The following ANO6 variants were observed in gnomAD, a reference collection of about 807,000 sequenced individuals.
ANO6 encodes the protein anoctamin 6, also known as anoctamin-6.
Under a neutral mutation model 117.5 loss-of-function variants are expected in ANO6, and 106 were observed. That is an observed-to-expected ratio of 0.90 (90% CI 0.77 to 1.06). The LOEUF is 1.06. ANO6 is among the 50% of genes least tolerant of loss of function. The pLI is 0.00. For synonymous variants in ANO6, 367 were observed against 385.1 expected (o/e 0.95, Z 0.55); for missense variants, 955 against 1,121.1 (o/e 0.85, Z 2.12).
At chr12:45,358,719 T>C (rs1365396715) in intron 8 of ANO6, among the ~76,000 whole-genome samples, 2 of 152,184 alleles carry the variant, frequency 1.3e-5, no homozygotes, top group Non-Finnish European at 2.9e-5. Flanking sequence ...AATATCTAAA[T>C]TATAAATATT....
chr12:45,330,165 A>G (rs1429267197), intron 2 of ANO6, among the ~76,000 whole-genome samples: 2 of 152,108 alleles, frequency 1.3e-5, no homozygotes, highest in Non-Finnish European at 2.9e-5. Flanking sequence ...CCAATTAGGA[A>G]CTTCAGATAC....
chr12:45,396,241 A>T (rs993079185), intron 12 of ANO6, among the ~76,000 whole-genome samples: 3 of 152,216 alleles, frequency 2.0e-5, no homozygotes, highest in African/African-American at 7.2e-5. Flanking sequence ...TCCCATTCAC[A>T]ATTGCTACAA....
At chr12:45,415,911 G>C (rs1272736837) in intron 16 of ANO6, among the ~76,000 whole-genome samples, 2 of 152,036 alleles carry the variant, frequency 1.3e-5, no homozygotes, top group Non-Finnish European at 2.9e-5. Flanking sequence ...AGGAGGGCAG[G>C]GTCTAAAACT....
Position 45,375,671 on chromosome 12 carries a change from G to A in ANO6, c.1105-2382G>A, listed in dbSNP as rs563217699. On this transcript the variant is annotated intron_variant, in intron 9 of 19. Transcript: ENST00000320560. ...AGCCATATGTAGAAAGCTGAAACTGGATCCCTTCCTTACACCTTTTACAAA... is the reference window on the plus strand; with the variant it reads ...AGCCATATGTAGAAAGCTGAAACTGAATCCCTTCCTTACACCTTTTACAAA... Among the ~76,000 whole-genome samples the A allele has an allele frequency of 1.3e-4, 20 of 151,698 alleles. No homozygotes were observed. The East Asian group carries it at 3.6e-3, about 27-fold the overall frequency.
chr12:45,370,089 G>C (rs1301454799), intron 9 of ANO6, among the ~76,000 whole-genome samples: 1 of 152,180 alleles, frequency 6.6e-6, no homozygotes, highest in Non-Finnish European at 1.5e-5. Context: ...GCAGTATGCT[G>C]ATTCAGACCG....
intron 1 of ANO6, among the ~76,000 whole-genome samples, chr12:45,243,050 C>A: frequency 6.6e-6 from 1 of 152,280 alleles, no homozygotes; most frequent in Middle Eastern, 3.4e-3. Context: ...CACAGTGGCT[C>A]ACACCTTTAA....
chr12:45,294,726 A>T (rs149567935), intron 1 of ANO6, among the ~76,000 whole-genome samples: 3 of 152,206 alleles, frequency 2.0e-5, no homozygotes, highest in Admixed American at 6.5e-5. Context: ...GAAACAAGTA[A>T]CCAACATTGC....
At chr12:45,231,073 C>T (rs2137140493) in intron 1 of ANO6, among the ~76,000 whole-genome samples, 1 of 152,214 alleles carries the variant, frequency 6.6e-6, no homozygotes, top group East Asian at 1.9e-4. Flanking sequence ...CACCACTGCG[C>T]TCCAGCCTGG....
chr12:45,216,740 GT>G (rs1334143536), intron 1 of ANO6, among the ~76,000 whole-genome samples: 1 of 152,252 alleles, frequency 6.6e-6, no homozygotes, highest in Non-Finnish European at 1.5e-5. Flanking sequence ...GAGTGCTAGG[GT>G]TGCCCAGGAG....
At chr12:45,375,820 A>G (rs1204029621) in intron 9 of ANO6, among the ~76,000 whole-genome samples, 1 of 150,394 alleles carries the variant, frequency 6.6e-6, no homozygotes, top group Non-Finnish European at 1.5e-5. Context: ...CTAAAACACC[A>G]AAAGCAATGG....
chr12:45,246,993 G>A (rs1452050073), intron 1 of ANO6, among the ~76,000 whole-genome samples: 2 of 152,056 alleles, frequency 1.3e-5, no homozygotes, highest in East Asian at 1.9e-4. Flanking sequence ...GTGCAGTGGC[G>A]TGATCTCGGC....
intron 1 of ANO6, among the ~76,000 whole-genome samples, chr12:45,298,315 C>G (rs184007424): frequency 5.3e-5 from 8 of 152,250 alleles, no homozygotes; most frequent in Admixed American, 3.9e-4. Context: ...TTAAGAAAAA[C>G]ATGATTTATA....
At chr12:45,407,091 C>T (rs1249451181) in intron 15 of ANO6, among the ~76,000 whole-genome samples, 1 of 152,096 alleles carries the variant, frequency 6.6e-6, no homozygotes, top group Non-Finnish European at 1.5e-5. Context: ...AGATTGAGCT[C>T]CCTGCACTAG....
intron 10 of ANO6, among the ~76,000 whole-genome samples, chr12:45,387,913 C>T (rs1942341461): frequency 6.6e-6 from 1 of 152,052 alleles, no homozygotes; most frequent in Non-Finnish European, 1.5e-5. Context: ...TCTCCTATTG[C>T]CATGTAAGAC....
intron 1 of ANO6, among the ~76,000 whole-genome samples, chr12:45,250,766 A>T (rs1947888960): frequency 6.6e-6 from 1 of 151,096 alleles, no homozygotes; most frequent in Non-Finnish European, 1.5e-5. Context: ...TTACTTAAAA[A>T]AAAAAAAAAA....
chr12:45,234,778 C>G (rs1947622691), intron 1 of ANO6, among the ~76,000 whole-genome samples: 1 of 150,274 alleles, frequency 6.7e-6, no homozygotes, highest in South Asian at 2.1e-4. Flanking sequence ...ACATTCCAGT[C>G]TCTGGAACCA....
At chr12:45,308,554 T>C (rs1316346839) in intron 2 of ANO6, among the ~76,000 whole-genome samples, 1 of 152,084 alleles carries the variant, frequency 6.6e-6, no homozygotes, top group Non-Finnish European at 1.5e-5. Flanking sequence ...CTGGCAGCAA[T>C]GAGAGCCTAC....
chr12:45,407,614 G>A (rs1045980178), intron 15 of ANO6, among the ~76,000 whole-genome samples: 11 of 151,642 alleles, frequency 7.3e-5, no homozygotes. Context: ...GCTGAAGTGG[G>A]AACCACTGAT....
chr12:45,344,878 G>A (rs1941083802), intron 3 of ANO6, among the ~76,000 whole-genome samples: 1 of 152,200 alleles, frequency 6.6e-6, no homozygotes. Context: ...TGGGAATATG[G>A]TGGGTCAGGG....
Sources: gnomAD v4.1 joint callset for allele counts (sites outside exome capture counted in the v4.1 genomes callset) on GRCh38, gnomAD v4.1.1 for gene constraint, MANE v1.5 for transcripts, NCBI Gene and HGNC (gene_info 2026-07-23, HGNC 2026-07-21) for gene names.